The following ARHGEF7 variants were observed in gnomAD, a reference collection of about 807,000 sequenced individuals.
ARHGEF7 encodes the protein PAK-interacting exchange factor beta.
A neutral mutation model predicts 109.8 loss-of-function variants in ARHGEF7; 33 were observed. The ratio of observed to expected loss-of-function variants is 0.30; its 90% confidence interval spans 0.23 to 0.40. ARHGEF7 has a LOEUF of 0.40. ARHGEF7 is among the 10% of genes least tolerant of loss of function. ARHGEF7 has a pLI of 1.00. For synonymous variants in ARHGEF7, 458 were observed against 424.6 expected, an observed-to-expected ratio of 1.08 and a Z score of -0.97; for missense variants, 938 against 1,098.5, an observed-to-expected ratio of 0.85 and a Z score of 2.07.
chr13:111,280,309 T>C lies in ARHGEF7; in HGVS notation c.1544T>C (p.Leu515Pro), dbSNP rs1334850495. The C allele has an allele frequency of 6.2e-7, 1 of 1,613,512 alleles. No individual in the cohort carries two copies. Among genetic ancestry groups the C allele is most frequent in the Non-Finnish European group, 8.5e-7 (1 of 1,179,844 alleles). The change falls in exon 14 of 22, where the codon CTT (leucine) becomes CCT (proline). Residue 515 changes from leucine to proline, a missense_variant. Leu to Pro is a moderately conservative substitution (Grantham distance 98). Coordinates refer to ENST00000646102, the MANE Select transcript of ARHGEF7 (RefSeq NM_001354046.2). ...ACGACAGGAATGACAATCACAAAGC[T>C]TGAGGACAGTGAAAATCATAGAAAT... Reference protein sequence around the residue: ...LPTTGMTITKLEDSENHRNAF... With the variant: ...LPTTGMTITKPEDSENHRNAF...
At chr13:111,140,802 C>T (rs1485535724) in intron 1 of ARHGEF7, among the ~76,000 whole-genome samples, 2 of 152,076 alleles carry the variant, frequency 1.3e-5, no homozygotes, top group Admixed American at 6.6e-5. Context: ...CAGTGAACCT[C>T]CAGAGTAGCT....
intron 1 of ARHGEF7, among the ~76,000 whole-genome samples, chr13:111,152,936 C>T (rs1227440195): frequency 6.6e-6 from 1 of 152,210 alleles, no homozygotes; most frequent in Non-Finnish European, 1.5e-5. Flanking sequence ...CACAATTCTA[C>T]CTTGGACTAA....
Position 111,157,289 on chromosome 13 carries a change from A to AT in ARHGEF7, c.252+3312dup, listed in dbSNP as rs5806888. ...TAACTTTTTTACTTGGCATGCTTAA[A>AT]TTTTTTTTTTTTTTCCAGTTAGGGC... On this transcript the variant is annotated intron_variant, in intron 2 of 21. Coordinates refer to ENST00000646102, the MANE Select transcript of ARHGEF7 (RefSeq NM_001354046.2). Among the ~76,000 whole-genome samples, 224 of 147,570 alleles carry AT rather than the reference A, an allele frequency of 1.5e-3. 1 individual carries two copies. Among genetic ancestry groups the AT allele is most frequent in the African/African-American group, 5.0e-3 (203 of 40,292 alleles).
chr13:111,282,958 G>A, intron 15 of ARHGEF7, 181 bp from the exon 16 acceptor site: 1 of 852,924 alleles, frequency 1.2e-6, no homozygotes, highest in Non-Finnish European at 1.8e-6. Flanking sequence ...GGTGGCGCGA[G>A]CTAGTGTTTG....
intron 5 of ARHGEF7, 90 bp downstream of exon 5, chr13:111,217,970 A>G (rs2083339134): frequency 7.6e-7 from 1 of 1,309,104 alleles, no homozygotes; most frequent in South Asian, 1.5e-5. Context: ...CTCCAGCTGG[A>G]CCTGTGCAAA....
chr13:111,186,718 C>G, intron 2 of ARHGEF7: 3 of 664,358 alleles, frequency 4.5e-6, no homozygotes, highest in Non-Finnish European at 5.6e-6. Context: ...ATAACAATTT[C>G]TTGTGTCAAG....
At chr13:111,199,380 T>C (rs1480602210) in intron 2 of ARHGEF7, among the ~76,000 whole-genome samples, 1 of 152,232 alleles carries the variant, frequency 6.6e-6, no homozygotes, top group Admixed American at 6.5e-5. Flanking sequence ...AATAATACTC[T>C]TTTTGATTGA....
Position 111,272,638 on chromosome 13 carries a change from G to C in ARHGEF7, c.1074-1176G>C, listed in dbSNP as rs1595409537. On this transcript the variant is annotated intron_variant, in intron 9 of 21. Coordinates refer to ENST00000646102, the MANE Select transcript of ARHGEF7 (RefSeq NM_001354046.2). The surrounding 1 kb of genome is among the most constrained non-coding windows in gnomAD (Gnocchi z 5.2). ...CTTCTAGGATGGGGCGTGGTGATGG[G>C]GCGGGGGTCACCTGGGTCTCCTGGA... is the stretch of plus-strand genomic sequence containing the variant. Among the ~76,000 whole-genome samples, 1 of 152,230 alleles carries C rather than the reference G, an allele frequency of 6.6e-6. No individual in the cohort carries two copies. The highest frequency in any genetic ancestry group is 2.1e-4 in the South Asian group (1 of 4,810).
At chr13:111,175,349 AG>A in intron 2 of ARHGEF7, among the ~76,000 whole-genome samples, 1 of 152,280 alleles carries the variant, frequency 6.6e-6, no homozygotes, top group Non-Finnish European at 1.5e-5. Flanking sequence ...AGACAGAGTG[AG>A]GGGAGAGTGA....
At chr13:111,221,496 TATATATCTATATATATAG>T (rs2084233738) in intron 5 of ARHGEF7, among the ~76,000 whole-genome samples, 2 of 89,066 alleles carry the variant, frequency 2.2e-5, no homozygotes, top group Non-Finnish European at 4.3e-5. Context: ...TATAGACATA[TATATATCTATATATATAG>T]ATATATATCT....
intron 3 of ARHGEF7, among the ~76,000 whole-genome samples, chr13:111,206,014 A>G (rs747096095): frequency 6.6e-6 from 1 of 152,180 alleles, no homozygotes; most frequent in Non-Finnish European, 1.5e-5. Context: ...GAAATGCTCC[A>G]TGAGCCCTGA....
intron 4 of ARHGEF7, among the ~76,000 whole-genome samples, chr13:111,216,280 G>A (rs1045183530): frequency 1.2e-4 from 18 of 152,110 alleles, no homozygotes; most frequent in Non-Finnish European, 2.4e-4. Context: ...TGCTGGATGG[G>A]GGGGTGATGA....
At chr13:111,281,135 T>C (rs1252217805) in intron 15 of ARHGEF7, 1 of 150,666 alleles carries the variant, frequency 6.6e-6, no homozygotes, top group Non-Finnish European at 1.5e-5. Flanking sequence ...GAAATTGAGG[T>C]GTCTTTTACT....
chr13:111,218,812 A>G (rs12870781), intron 5 of ARHGEF7, among the ~76,000 whole-genome samples: 139 of 152,024 alleles, frequency 9.1e-4, no homozygotes, highest in Non-Finnish European at 1.4e-3. Context: ...GAGCTCAGGG[A>G]ATGTTAATGG....
chr13:111,184,685 C>T (rs1046070161), intron 2 of ARHGEF7, among the ~76,000 whole-genome samples: 14 of 152,170 alleles, frequency 9.2e-5, no homozygotes, highest in African/African-American at 3.4e-4. Flanking sequence ...GGTCAGTTCT[C>T]TTTGTGCTAT....
At chr13:111,296,326 G>C (rs1178733873) in intron 19 of ARHGEF7, among the ~76,000 whole-genome samples, 1 of 152,184 alleles carries the variant, frequency 6.6e-6, no homozygotes, top group African/African-American at 2.4e-5. Flanking sequence ...ATGTGTACCA[G>C]CCTTCTGTGG....
At chr13:111,191,734 C>T (rs2153447406) in intron 2 of ARHGEF7, among the ~76,000 whole-genome samples, 1 of 152,042 alleles carries the variant, frequency 6.6e-6, no homozygotes, top group South Asian at 2.1e-4. Context: ...TCCAAGGAAG[C>T]AGGAGGGATA....
In ARHGEF7 at chr13:111,217,660, A is replaced by G. The variant is rs2083301513; in HGVS notation, c.469-19A>G. ...CTGTTCTTGGTATAATTTTTCTCCC[A>G]CTCTTCTTCCCCTTTTAGGACATGA... On this transcript the variant is annotated intron_variant, in intron 4 of 21. Coordinates refer to ENST00000646102, the MANE Select transcript of ARHGEF7 (RefSeq NM_001354046.2). 2 of 1,606,478 alleles carry G rather than the reference A, an allele frequency of 1.2e-6. No individual in the cohort carries two copies. Among genetic ancestry groups the G allele is most frequent in the Non-Finnish European group, 1.7e-6 (2 of 1,173,174 alleles).
chr13:111,213,201 G>A (rs2082708470), intron 4 of ARHGEF7, among the ~76,000 whole-genome samples: 1 of 152,084 alleles, frequency 6.6e-6, no homozygotes, highest in Non-Finnish European at 1.5e-5. Context: ...GTGGTGCTTT[G>A]GCTCCAGGCA....
Sources: allele counts gnomAD v4.1 joint callset (sites outside exome capture counted in the v4.1 genomes callset), GRCh38; gene constraint gnomAD v4.1.1; non-coding constraint Gnocchi (gnomAD v3.1); transcripts MANE v1.5; gene names NCBI Gene and HGNC (gene_info 2026-07-23, HGNC 2026-07-21).